Variants in HSD17B7 observed in about 807,000 individuals in gnomAD.
HSD17B7 encodes 3-keto-steroid reductase/17-beta-hydroxysteroid dehydrogenase 7.
Under a neutral mutation model 34.1 loss-of-function variants are expected in HSD17B7, and 17 were observed. The ratio of observed to expected loss-of-function variants is 0.50; its 90% CI spans 0.34 to 0.75. The LOEUF (loss-of-function observed/expected upper bound fraction) is 0.75. HSD17B7 is among the 30% of genes least tolerant of loss of function. The probability of loss-of-function intolerance (pLI) is 0.01; values close to 1 mark genes in which losing one functional copy is unlikely to be tolerated. For missense variants in HSD17B7, 296 were observed against 406.6 expected, an observed-to-expected ratio of 0.73 and a Z score of 2.34; for synonymous variants, 122 against 154.6, an observed-to-expected ratio of 0.79 and a Z score of 1.56.
At chr1:162,807,123 C>T (rs1649006836) in intron 8 of HSD17B7, among the ~76,000 whole-genome samples, 1 of 152,162 alleles carries the variant, frequency 6.6e-6, no homozygotes, top group African/African-American at 2.4e-5. Context: ...TCCCTCCCCT[C>T]TACACCCACC....
Position 162,803,441 on chromosome 1 carries a change from C to A in HSD17B7, c.653C>A (p.Ser218Tyr), listed in dbSNP as rs754866497. 2.5e-6 allele frequency: 4 copies of A among 1,612,474 alleles called. No individual in the cohort carries two copies. Among genetic ancestry groups the A allele is most frequent in the African/African-American group, 2.7e-5 (2 of 74,836 alleles). The change falls in exon 6 of 9, where the codon TCC (serine) becomes TAC (tyrosine). Residue 218 changes from serine to tyrosine, a missense_variant. Physicochemically the swap from Ser to Tyr is moderately radical, Grantham distance 144. Coordinates refer to ENST00000254521, the MANE Select transcript of HSD17B7 (RefSeq NM_016371.4). ...NRNFNQQGLY[S>Y]NVACPGTALT... is the part of the protein sequence containing the mutation. ...CCTCTCTGTTCCTAGGGTCTCTATT[C>A]CAATGTGGCCTGTCCAGGTACAGCA...
In HSD17B7 at chr1:162,790,813, G is replaced by A; in HGVS notation, c.13G>A (p.Val5Ile). 6.2e-7 allele frequency: 1 copy of A among 1,613,700 alleles called. No individual in the cohort carries two copies. The highest frequency in any genetic ancestry group is 1.1e-5 in the South Asian group (1 of 90,960). MRKVVLITGASSGIG... is the reference protein window; with the variant it reads MRKVILITGASSGIG... Reference sequence around the variant, plus strand: ...TGAGTGCGCGAAGATGCGAAAGGTGGTTTTGATCACCGGGGCTAGCAGGTG... The same window carrying A: ...TGAGTGCGCGAAGATGCGAAAGGTGATTTTGATCACCGGGGCTAGCAGGTG... Residue 5 changes from valine to isoleucine, a missense_variant, in exon 1 of 9, where the codon GTT becomes ATT. Physicochemically the swap from Val to Ile is conservative, Grantham distance 29. Coordinates refer to ENST00000254521, the MANE Select transcript of HSD17B7 (RefSeq NM_016371.4).
intron 8 of HSD17B7, among the ~76,000 whole-genome samples, chr1:162,805,883 C>G (rs1648965721): frequency 6.6e-6 from 1 of 152,166 alleles, no homozygotes; most frequent in Non-Finnish European, 1.5e-5. Context: ...GGGTCATACC[C>G]CATTTCCTAG....
In HSD17B7 at chr1:162,812,365, G is replaced by T; in HGVS notation, c.971G>T (p.Arg324Met). 6.2e-7 allele frequency: 1 copy of T among 1,611,400 alleles called. No homozygotes were observed. The highest frequency in any genetic ancestry group is 8.5e-7 in the Non-Finnish European group (1 of 1,178,606). ...QKLLELEKHI[R>M]VTIQKTDNQA... ...TTACTGGAACTGGAAAAGCACATTA[G>T]GGTCACTATTCAAAAAACAGATAAT... Residue 324 changes from arginine (R) to methionine (M), a missense_variant, in exon 9 of 9, where the codon AGG (arginine) becomes ATG (methionine). Coordinates refer to ENST00000254521, the MANE Select transcript of HSD17B7 (RefSeq NM_016371.4).
intron 5 of HSD17B7, among the ~76,000 whole-genome samples, chr1:162,802,543 G>T (rs1467573341): frequency 1.3e-5 from 2 of 152,240 alleles, no homozygotes; most frequent in South Asian, 2.1e-4. Context: ...AGGATGAAAA[G>T]CCTCCAGGTT....
chr1:162,801,673 G>T (rs1442140192), intron 5 of HSD17B7, among the ~76,000 whole-genome samples: 1 of 152,192 alleles, frequency 6.6e-6, no homozygotes, highest in African/African-American at 2.4e-5. Flanking sequence ...GTAGGTGTCA[G>T]TGCATGTGGG....
chr1:162,808,593 T>C (rs1334269060), intron 8 of HSD17B7, among the ~76,000 whole-genome samples: 7 of 152,214 alleles, frequency 4.6e-5, no homozygotes, highest in Admixed American at 1.3e-4. Flanking sequence ...ATTCTTCCTA[T>C]CTATGAGCAT....
At chr1:162,794,121 C>A (rs1648515258) in intron 2 of HSD17B7, among the ~76,000 whole-genome samples, 1 of 151,910 alleles carries the variant, frequency 6.6e-6, no homozygotes, top group Non-Finnish European at 1.5e-5. Flanking sequence ...GAAAAAAGTC[C>A]AAGAACCCTG....
intron 8 of HSD17B7, among the ~76,000 whole-genome samples, chr1:162,805,815 A>T (rs1204742786): frequency 6.6e-6 from 1 of 152,198 alleles, no homozygotes; most frequent in Admixed American, 6.5e-5. Context: ...TACCTGTTGC[A>T]GATCATGCTT....
In HSD17B7 at chr1:162,796,642, A is replaced by G; in HGVS notation, c.297A>G (p.Leu99=). The change falls in exon 3 of 9, where the codon CTA becomes CTG. Residue 99 remains leucine (L), a synonymous_variant. Transcript: ENST00000254521. ...LNAGIMPNPQ[L]NIKALFFGLF... Reference sequence around the variant, plus strand: ...CTGGGATCATGCCTAATCCACAACTAAATATCAAAGCACTTTTCTTTGGCC... The same window carrying G: ...CTGGGATCATGCCTAATCCACAACTGAATATCAAAGCACTTTTCTTTGGCC... 6.2e-7 allele frequency: 1 copy of G among 1,612,088 alleles called. No individual in the cohort carries two copies. The highest frequency in any genetic ancestry group is 8.5e-7 in the Non-Finnish European group (1 of 1,178,250).
rs201857530 is a variant in HSD17B7, at chr1:162,793,031, C to CTTTTTT, written c.239+181_239+186dup. 1.0e-3 allele frequency: 366 copies of CTTTTTT among 352,340 alleles called. 2 individuals are homozygous for CTTTTTT. Among genetic ancestry groups the CTTTTTT allele is most frequent in the South Asian group, 2.1e-3 (86 of 40,018 alleles). 21.8% of individuals were successfully genotyped at this position (352,340 alleles called of 1,614,324 possible). A position where few individuals can be genotyped will look rare whatever the true frequency, so the allele number is the denominator to read the frequency against. On this transcript the variant is annotated intron_variant, in intron 2 of 8. Coordinates refer to ENST00000254521, the MANE Select transcript of HSD17B7 (RefSeq NM_016371.4). ...TGTGTCTCAGTACCACGTTTTCTTTCTTTTTTTTTTTTTTTTTAAAGAGAT... is the reference window on the plus strand; with the variant it reads ...TGTGTCTCAGTACCACGTTTTCTTTCTTTTTTTTTTTTTTTTTTTTTTTAAAGAGAT...
At position 162,803,312 on chromosome 1, in the gene HSD17B7, A is replaced by T. The variant is rs1648876068; in HGVS notation, c.643-119A>T. 38 of 1,134,088 alleles carry T rather than the reference A, an allele frequency of 3.4e-5. No individual in the cohort carries two copies. The South Asian group carries it at 7.0e-4, about 21-fold the overall frequency. The allele number at this position is 1,134,088 out of a possible 1,614,324, so 70.3% of individuals were successfully genotyped here. A position where few individuals can be genotyped will look rare whatever the true frequency, so the allele number is the denominator to read the frequency against. On this transcript the variant is annotated intron_variant, in intron 5 of 8. Transcript: ENST00000254521. ...AACTTCAGAGACAACTCAGAACATA[A>T]ATTCTTTATTACCTGACTTCTGGCT...
chr1:162,803,934 T>C (rs1648899938), intron 6 of HSD17B7, among the ~76,000 whole-genome samples: 1 of 152,254 alleles, frequency 6.6e-6, no homozygotes, highest in African/African-American at 2.4e-5. Context: ...GTTTTGTGAT[T>C]TGAACGTCTT....
At chr1:162,795,648 C>T (rs1401714721) in intron 2 of HSD17B7, 1 of 460,022 alleles carries the variant, frequency 2.2e-6, no homozygotes, top group Non-Finnish European at 4.4e-6. Context: ...TGTATGTGAT[C>T]TGTGTTGAAG....
At chr1:162,806,306 G>A (rs1454882118) in intron 8 of HSD17B7, among the ~76,000 whole-genome samples, 1 of 152,132 alleles carries the variant, frequency 6.6e-6, no homozygotes, top group Admixed American at 6.6e-5. Flanking sequence ...TCAAGTAACC[G>A]GCATTGATCT....
At chr1:162,810,814 C>T (rs918954624) in intron 8 of HSD17B7, among the ~76,000 whole-genome samples, 3 of 152,160 alleles carry the variant, frequency 2.0e-5, no homozygotes, top group Non-Finnish European at 2.9e-5. Context: ...GATTTCCCTC[C>T]ATCCCTTTAT....
chr1:162,810,594 T>C (rs997354502), intron 8 of HSD17B7, among the ~76,000 whole-genome samples: 54 of 152,304 alleles, frequency 3.5e-4, no homozygotes, highest in African/African-American at 1.2e-3. Context: ...TAAGCCTCTT[T>C]GTAGGTCTCT....
chr1:162,793,023 T>TTTTA (rs1648468133), intron 2 of HSD17B7, 161 bp downstream of exon 2: 14 of 480,280 alleles, frequency 2.9e-5, no homozygotes, highest in Admixed American at 5.1e-5. Context: ...CAGTACCACG[T>TTTTA]TTTCTTTCTT....
intron 5 of HSD17B7, among the ~76,000 whole-genome samples, chr1:162,801,816 A>ACT (rs1463143863): frequency 6.6e-6 from 1 of 151,916 alleles, no homozygotes; most frequent in African/African-American, 2.4e-5. Flanking sequence ...GCTTCCTGAT[A>ACT]CTCTGAGAAC....
Sources: allele counts gnomAD v4.1 joint callset (sites outside exome capture counted in the v4.1 genomes callset), GRCh38; gene constraint gnomAD v4.1.1; transcripts MANE v1.5; gene names NCBI Gene and HGNC (gene_info 2026-07-23, HGNC 2026-07-21).